Variants in GNA12 observed in about 807,000 individuals in gnomAD.
The protein encoded by GNA12 is G protein subunit alpha 12.
In GNA12, 9 loss-of-function variants were observed where a neutral mutation model predicts 26.0. The observed-to-expected ratio is 0.35, with a 90% CI of 0.21 to 0.60. The LOEUF (loss-of-function observed/expected upper bound fraction) is 0.60, where lower values mean the gene tolerates loss of function less well. GNA12 is among the 20% of genes least tolerant of loss of function. The pLI is 0.78. For missense variants in GNA12, 405 were observed against 525.8 expected, an observed-to-expected ratio of 0.77 and a Z score of 2.25; for synonymous variants, 264 against 219.6, an observed-to-expected ratio of 1.20 and a Z score of -1.79.
At chr7:2,741,871 T>C (rs1310639198) in intron 2 of GNA12, among the ~76,000 whole-genome samples, 1 of 150,484 alleles carries the variant, frequency 6.6e-6, no homozygotes, top group Non-Finnish European at 1.5e-5. Context: ...TGTCTCATAA[T>C]TACCACGTAT....
At chr7:2,760,150 G>A (rs984867488) in intron 2 of GNA12, among the ~76,000 whole-genome samples, 3 of 152,242 alleles carry the variant, frequency 2.0e-5, no homozygotes, top group Non-Finnish European at 2.9e-5. Context: ...CGTGATGGAC[G>A]TGCTTTCTTC....
chr7:2,789,415 G>A (rs952804293), intron 2 of GNA12, among the ~76,000 whole-genome samples: 4 of 151,640 alleles, frequency 2.6e-5, no homozygotes, highest in Admixed American at 1.3e-4. Context: ...GATTACAGGC[G>A]TGAGCCACCG....
chr7:2,773,199 C>T (rs979252799), intron 2 of GNA12, among the ~76,000 whole-genome samples: 13 of 152,212 alleles, frequency 8.5e-5, no homozygotes, highest in African/African-American at 2.4e-4. Flanking sequence ...TAGATACATA[C>T]GTAAATCTCA....
chr7:2,775,699 T>C (rs1792060174), intron 2 of GNA12, among the ~76,000 whole-genome samples: 1 of 152,162 alleles, frequency 6.6e-6, no homozygotes, highest in South Asian at 2.1e-4. Flanking sequence ...AAACTCTGCC[T>C]ATGAATTAAA....
At chr7:2,740,166 CT>C (rs1039508474) in intron 2 of GNA12, among the ~76,000 whole-genome samples, 9 of 151,992 alleles carry the variant, frequency 5.9e-5, no homozygotes, top group Non-Finnish European at 1.2e-4. Flanking sequence ...CCAGTGTGAT[CT>C]TTTCTGGGTT....
chr7:2,820,195 G>A (rs931371942), intron 1 of GNA12, among the ~76,000 whole-genome samples: 1 of 152,182 alleles, frequency 6.6e-6, no homozygotes, highest in African/African-American at 2.4e-5. Flanking sequence ...CCACGGTGTC[G>A]AAAGTGGGCT....
At chr7:2,744,501 C>A (rs1016703005) in intron 2 of GNA12, among the ~76,000 whole-genome samples, 1 of 152,156 alleles carries the variant, frequency 6.6e-6, no homozygotes, top group African/African-American at 2.4e-5. Context: ...AGGACATCCA[C>A]ACCAAAAACC....
At chr7:2,741,758 G>C (rs1165189053) in intron 2 of GNA12, among the ~76,000 whole-genome samples, 1 of 151,690 alleles carries the variant, frequency 6.6e-6, no homozygotes. Context: ...CAACTTCAGA[G>C]GGTATGTCCT....
At chr7:2,807,968 G>A (rs887801071) in intron 1 of GNA12, among the ~76,000 whole-genome samples, 7 of 152,164 alleles carry the variant, frequency 4.6e-5, no homozygotes, top group Non-Finnish European at 1.0e-4. Flanking sequence ...GAATTATTAG[G>A]TGAAAGTACC....
chr7:2,797,875 A>G (rs554568341), intron 1 of GNA12, among the ~76,000 whole-genome samples: 2 of 152,198 alleles, frequency 1.3e-5, no homozygotes, highest in African/African-American at 2.4e-5. Flanking sequence ...AAGAAGCAGT[A>G]TCTGACCCCC....
rs79323877 is a variant in GNA12 at position 2,822,243 on chromosome 7, G to A, written c.309+21610C>T. ...CTTCGTACGTTTTCAACCATACAGC[G>A]GCAGCGACTGGAGTGGTTGTTTTGC... On this transcript the variant is annotated intron_variant, in intron 1 of 3. Coordinates refer to ENST00000275364, the MANE Select transcript of GNA12 (RefSeq NM_007353.3). Among the ~76,000 whole-genome samples the A allele has an allele frequency of 6.9e-3, 1,049 of 152,236 alleles. 8 individuals are homozygous for A. The highest frequency in any genetic ancestry group is 0.011 in the Non-Finnish European group (730 of 68,022).
rs79542549 is a variant in GNA12, at chr7:2,814,832, G to A, written c.310-19689C>T. 1,684 of 1,575,780 alleles carry A rather than the reference G, an allele frequency of 1.1e-3. 13 individuals are homozygous for A. The African/African-American group carries it at 0.018, about 17-fold the overall frequency. On this transcript the variant is annotated intron_variant, in intron 1 of 3. Transcript: ENST00000275364. ...TCCCAAGCACCCTTCCTGTGCTCCC[G>A]ACAGCACCGGGTGTGCACTGCTCCC... is the stretch of plus-strand genomic sequence containing the variant.
chr7:2,757,128 C>CTTTTTTT (rs1562409543), intron 2 of GNA12, among the ~76,000 whole-genome samples: 16 of 115,128 alleles, frequency 1.4e-4, no homozygotes, highest in African/African-American at 2.2e-4. Context: ...ATCAGGTGGG[C>CTTTTTTT]CTTTTTTTTT....
At chr7:2,750,839 A>C (rs1403523563) in intron 2 of GNA12, among the ~76,000 whole-genome samples, 2 of 152,212 alleles carry the variant, frequency 1.3e-5, no homozygotes, top group Non-Finnish European at 2.9e-5. Flanking sequence ...GGATATGGCG[A>C]AAGTTTTAGA....
chr7:2,834,979 T>G (rs551602905), intron 1 of GNA12, among the ~76,000 whole-genome samples: 1 of 151,538 alleles, frequency 6.6e-6, no homozygotes, highest in Non-Finnish European at 1.5e-5. Context: ...GACTATACAT[T>G]GCGATGCGTG....
At position 2,728,250 on chromosome 7, in the gene GNA12, C is replaced by G. The variant is rs958770257; in HGVS notation, c.*2931G>C. Reference sequence around the variant, plus strand: ...ACAACTGACCCGGACCACTACCATTCCAATGGGAGCCTCTGCCTTACAATA... The same window carrying G: ...ACAACTGACCCGGACCACTACCATTGCAATGGGAGCCTCTGCCTTACAATA... On this transcript the variant is annotated 3_prime_UTR_variant, in exon 4 of 4. Transcript: ENST00000275364. The G allele has an allele frequency of 6.6e-6, 1 of 152,342 alleles. No individual in the cohort carries two copies. The highest frequency in any genetic ancestry group is 1.5e-5 in the Non-Finnish European group (1 of 68,038). 9.4% of individuals were successfully genotyped at this position (152,342 alleles called of 1,614,324 possible). A position where few individuals can be genotyped will look rare whatever the true frequency, so the allele number is the denominator to read the frequency against.
At chr7:2,780,023 G>A (rs1397588828) in intron 2 of GNA12, among the ~76,000 whole-genome samples, 4 of 129,980 alleles carry the variant, frequency 3.1e-5, no homozygotes, top group Admixed American at 1.7e-4. Context: ...CTTACACCAC[G>A]TACTAGTTTT....
intron 1 of GNA12, among the ~76,000 whole-genome samples, chr7:2,825,694 G>C (rs1793469315): frequency 1.3e-5 from 2 of 152,334 alleles, no homozygotes; most frequent in Non-Finnish European, 2.9e-5. Flanking sequence ...AAAAATGCCT[G>C]AGAAAACGTG....
intron 2 of GNA12, among the ~76,000 whole-genome samples, chr7:2,759,013 G>A (rs966348706): frequency 2.0e-5 from 3 of 151,860 alleles, no homozygotes; most frequent in East Asian, 1.9e-4. Context: ...GGTGGTGGGC[G>A]CCTGTAATCC....
Sources: allele counts gnomAD v4.1 joint callset (sites outside exome capture counted in the v4.1 genomes callset), GRCh38; gene constraint gnomAD v4.1.1; transcripts MANE v1.5; gene names NCBI Gene and HGNC (gene_info 2026-07-23, HGNC 2026-07-21).